DNAI7: variants seen among roughly 807,000 people sequenced by gnomAD.
DNAI7 encodes dynein axonemal intermediate chain 7, also known as cancer susceptibility 1.
Under a neutral mutation model 86.6 loss-of-function variants are expected in DNAI7, and 78 were observed. The ratio of observed to expected loss-of-function variants is 0.90; its 90% CI spans 0.75 to 1.09. DNAI7 has a LOEUF of 1.09. Ranked by LOEUF, DNAI7 falls within the 50% of genes least tolerant of loss-of-function variation. The probability of loss-of-function intolerance (pLI) is 0.00; values close to 1 mark genes in which losing one functional copy is unlikely to be tolerated. For missense variants in DNAI7, 753 were observed against 810.2 expected (o/e 0.93, Z 0.86); for synonymous variants, 274 against 273.0 (o/e 1.00, Z -0.04).
chr12:25,150,486 C>T (rs928679654), intron 6 of DNAI7, among the ~76,000 whole-genome samples: 8 of 151,340 alleles, frequency 5.3e-5, no homozygotes, highest in Non-Finnish European at 1.2e-4. Flanking sequence ...CGCCTGTAGG[C>T]CCAGCAACTC....
intron 9 of DNAI7, among the ~76,000 whole-genome samples, chr12:25,141,743 T>C (rs182052888): frequency 5.7e-4 from 87 of 152,170 alleles, no homozygotes; most frequent in African/African-American, 2.0e-3. Context: ...GGCAAGAGAA[T>C]TGCTTGAACC....
At chr12:25,184,980 A>AAAG (rs1555185853) in intron 2 of DNAI7, among the ~76,000 whole-genome samples, 26 of 150,854 alleles carry the variant, frequency 1.7e-4, no homozygotes, top group African/African-American at 3.6e-4. Flanking sequence ...AAAAAAAAAA[A>AAAG]AAAGAAAGAA....
chr12:25,189,655 A>C (rs993905051), intron 2 of DNAI7, among the ~76,000 whole-genome samples: 1 of 152,180 alleles, frequency 6.6e-6, no homozygotes, highest in South Asian at 2.1e-4. Context: ...AATACAAAAC[A>C]AAACAAAACC....
chr12:25,129,025 C>G (rs1278917096), intron 9 of DNAI7, among the ~76,000 whole-genome samples: 2 of 152,210 alleles, frequency 1.3e-5, no homozygotes, highest in Admixed American at 1.3e-4. Flanking sequence ...TTATTACATA[C>G]CACTTTGCTT....
intron 3 of DNAI7, among the ~76,000 whole-genome samples, chr12:25,160,350 C>A (rs140009103): frequency 6.6e-6 from 1 of 152,096 alleles, no homozygotes; most frequent in Non-Finnish European, 1.5e-5. Context: ...ATGTTCAATT[C>A]TTTGCCTTCT....
intron 2 of DNAI7, among the ~76,000 whole-genome samples, chr12:25,161,971 C>T (rs544483053): frequency 1.3e-5 from 2 of 152,092 alleles, no homozygotes; most frequent in East Asian, 3.9e-4. Context: ...AACCTGGTAT[C>T]GGAGAAAAAA....
At chr12:25,181,645 C>A (rs189072836) in intron 2 of DNAI7, among the ~76,000 whole-genome samples, 1 of 151,616 alleles carries the variant, frequency 6.6e-6, no homozygotes, top group Non-Finnish European at 1.5e-5. Context: ...ATGCATCTGA[C>A]AAAGGACAAA....
In DNAI7 at chr12:25,179,776, A is replaced by G. The variant is rs544918196; in HGVS notation, c.21+10838T>C. 3.3e-5 allele frequency among the ~76,000 whole-genome samples: 5 copies of G among 152,216 alleles called. No individual in the cohort carries two copies. The East Asian group carries it at 9.6e-4, about 29-fold the overall frequency. On this transcript the variant is annotated intron_variant, in intron 2 of 15. Transcript: ENST00000395987. ...AAAACCCTCAAAAAACTAGGTATCA[A>G]ATGAACATATCTCAAACTAGTAAGA...
intron 9 of DNAI7, among the ~76,000 whole-genome samples, chr12:25,131,477 A>G (rs1942914387): frequency 1.3e-5 from 2 of 152,204 alleles, no homozygotes. Context: ...TGGGAGGAGC[A>G]CACCTTTCCT....
chr12:25,137,492 TA>T (rs975463560), intron 9 of DNAI7, among the ~76,000 whole-genome samples: 3 of 151,538 alleles, frequency 2.0e-5, no homozygotes, highest in African/African-American at 7.3e-5. Context: ...AACAAAAAAA[TA>T]ATATATTTAG....
At chr12:25,185,224 C>T (rs1159099704) in intron 2 of DNAI7, among the ~76,000 whole-genome samples, 2 of 152,032 alleles carry the variant, frequency 1.3e-5, no homozygotes, top group Non-Finnish European at 2.9e-5. Flanking sequence ...AGGTTTTTTC[C>T]TGATAATTTC....
rs183699810 is a variant in DNAI7, at chr12:25,179,479, G to T, written c.21+11135C>A. On this transcript the variant is annotated intron_variant, in intron 2 of 15. Transcript: ENST00000395987. Reference sequence around the variant, plus strand: ...AATCTTCCACTATGATTGTGGATGTGTCTATTTGTGGATGTGTCTATTTCT... The same window carrying T: ...AATCTTCCACTATGATTGTGGATGTTTCTATTTGTGGATGTGTCTATTTCT... 6.6e-5 allele frequency among the ~76,000 whole-genome samples: 10 copies of T among 152,138 alleles called. No homozygotes were observed. The East Asian group carries it at 1.9e-3, about 29-fold the overall frequency.
At chr12:25,112,399 G>GTT (rs10602859) in intron 13 of DNAI7, among the ~76,000 whole-genome samples, 4,807 of 103,802 alleles carry the variant, frequency 0.046, 354 homozygotes, top group African/African-American at 0.12. Context: ...TTCACATCTG[G>GTT]TTTTTTTTTT....
At chr12:25,118,932 T>G (rs1565638357) in intron 12 of DNAI7, among the ~76,000 whole-genome samples, 1 of 152,222 alleles carries the variant, frequency 6.6e-6, no homozygotes, top group African/African-American at 2.4e-5. Flanking sequence ...CAATGGCAGA[T>G]ACAGATACTT....
chr12:25,159,786 T>C (rs10771176), intron 3 of DNAI7, among the ~76,000 whole-genome samples: 27,576 of 151,848 alleles, frequency 0.18, 2,629 homozygotes, highest in Middle Eastern at 0.24. Context: ...GTATCAGGAG[T>C]CACCGAAAAA....
chr12:25,121,994 C>A, intron 10 of DNAI7, 81 bp from the exon 11 acceptor site: 1 of 976,142 alleles, frequency 1.0e-6, no homozygotes, highest in South Asian at 1.9e-5. Context: ...AATTCTCATA[C>A]TGGTAAAGGA....
At chr12:25,174,105 A>G (rs1472642532) in intron 2 of DNAI7, among the ~76,000 whole-genome samples, 1 of 148,144 alleles carries the variant, frequency 6.8e-6, no homozygotes, top group East Asian at 2.0e-4. Flanking sequence ...TTGTGTATTC[A>G]TGTCCTTAGC....
At chr12:25,165,171 C>T (rs1401471751) in intron 2 of DNAI7, among the ~76,000 whole-genome samples, 2 of 152,138 alleles carry the variant, frequency 1.3e-5, no homozygotes, top group Admixed American at 6.5e-5. Flanking sequence ...CAATCCGCTC[C>T]GGACATTAAA....
chr12:25,142,834 C>T (rs1396269674), intron 9 of DNAI7, among the ~76,000 whole-genome samples: 1 of 152,048 alleles, frequency 6.6e-6, no homozygotes, highest in Non-Finnish European at 1.5e-5. Context: ...TTTTTTCCCC[C>T]TTGGAAATGA....
Sources: allele counts gnomAD v4.1 joint callset (sites outside exome capture counted in the v4.1 genomes callset), GRCh38; gene constraint gnomAD v4.1.1; transcripts MANE v1.5; gene names NCBI Gene and HGNC (gene_info 2026-07-23, HGNC 2026-07-21).